The following NGFR variants were observed in gnomAD, a reference collection of about 807,000 sequenced individuals.
The protein encoded by NGFR is tumor necrosis factor receptor superfamily member 16.
NGFR carries 30 observed loss-of-function variants against 43.2 expected under a neutral mutation model. The observed-to-expected ratio is 0.69, with a 90% confidence interval of 0.52 to 0.94. The LOEUF (loss-of-function observed/expected upper bound fraction) is 0.94, where lower values mean the gene tolerates loss of function less well. Among genes scored for constraint, NGFR ranks in the 40% least tolerant of loss-of-function variants. The pLI is 0.00. For missense variants in NGFR, 529 were observed against 602.5 expected (o/e 0.88, Z 1.28); for synonymous variants, 246 against 259.6 (o/e 0.95, Z 0.50).
chr17:49,504,769 C>CTTTT (rs67010321), intron 2 of NGFR, among the ~76,000 whole-genome samples: 39 of 110,920 alleles, frequency 3.5e-4, no homozygotes, highest in East Asian at 1.4e-3. Context: ...TTCTTTCTTT[C>CTTTT]TTTTTTTTTT....
Position 49,512,570 on chromosome 17 carries a change from C to T in NGFR, c.983-138C>T. ...GGTGCCTTCACTTCCTGGTGCCCCA[C>T]CCAGGACCTTGTCTTGGCCCCAGGC... On this transcript the variant is annotated intron_variant, in intron 5 of 5. Transcript: ENST00000172229. The surrounding 1 kb of genome is among the most constrained non-coding windows in gnomAD (Gnocchi z 5.2). 1.7e-6 allele frequency: 2 copies of T among 1,148,398 alleles called. No individual in the cohort carries two copies. Among genetic ancestry groups the T allele is most frequent in the Non-Finnish European group, 2.5e-6 (2 of 809,824 alleles). The allele number at this position is 1,148,398 out of a possible 1,614,324, so 71.1% of individuals were successfully genotyped here.
At position 49,514,403 on chromosome 17, in the gene NGFR, C is replaced by T. The variant is rs1001236412; in HGVS notation, c.*1394C>T. On this transcript the variant is annotated 3_prime_UTR_variant, in exon 6 of 6. Transcript: ENST00000172229. ...TCGACTGTGACCTGTGGGGATTTCT[C>T]CCAGCTCTAGACAACCCTGCAAAGG... The T allele has an allele frequency of 6.6e-6, 1 of 152,428 alleles. No individual in the cohort carries two copies. The highest frequency in any genetic ancestry group is 1.5e-5 in the Non-Finnish European group (1 of 68,174). 9.4% of individuals were successfully genotyped at this position (152,428 alleles called of 1,614,324 possible). A position where few individuals can be genotyped will look rare whatever the true frequency, so the allele number is the denominator to read the frequency against.
intron 1 of NGFR, 64 bp from the exon 2 acceptor site, chr17:49,501,999 A>ATC: frequency 3.0e-6 from 1 of 330,984 alleles, no homozygotes; most frequent in Non-Finnish European, 5.9e-6. Context: ...TCCCCGGAAG[A>ATC]ACCCCCCCCA....
chr17:49,508,553 G>C (rs962038857), intron 3 of NGFR, among the ~76,000 whole-genome samples: 1 of 152,074 alleles, frequency 6.6e-6, no homozygotes, highest in East Asian at 1.9e-4. Flanking sequence ...TACTTTCCCC[G>C]CATTTACTTA....
Position 49,511,995 on chromosome 17 carries a change from G to C in NGFR, c.925G>C (p.Val309Leu). The C allele has an allele frequency of 6.2e-7, 1 of 1,613,866 alleles. No individual in the cohort carries two copies. Among genetic ancestry groups the C allele is most frequent in the East Asian group, 2.2e-5 (1 of 44,890 alleles). Residue 309 changes from valine (V) to leucine (L), a missense_variant, in exon 5 of 6, where the codon GTG becomes CTG. Transcript: ENST00000172229. ...ACTCCACAGCGACAGTGGCATCTCCGTGGACAGCCAGAGCCTGCATGACCA... is the reference window on the plus strand; with the variant it reads ...ACTCCACAGCGACAGTGGCATCTCCCTGGACAGCCAGAGCCTGCATGACCA... Reference protein sequence around the residue: ...EKLHSDSGISVDSQSLHDQQP... With the variant: ...EKLHSDSGISLDSQSLHDQQP...
rs976632464 is a variant in NGFR, at chr17:49,512,148, G to T, written c.982+96G>T. The stretch of plus-strand genomic sequence containing the variant: ...TCCAGGAAGGACTGTCGGGGGGGCG[G>T]CAGGGCTGGCTCAGCGGTGCCCCTG... On this transcript the variant is annotated intron_variant, in intron 5 of 5. Transcript: ENST00000172229. The surrounding 1 kb of genome is among the most constrained non-coding windows in gnomAD (Gnocchi z 5.2). 1.8e-5 allele frequency: 26 copies of T among 1,442,518 alleles called. No homozygotes were observed. Among genetic ancestry groups the T allele is most frequent in the Middle Eastern group, 5.0e-4 (2 of 4,028 alleles). 89.4% of individuals were successfully genotyped at this position (1,442,518 alleles called of 1,614,324 possible).
intron 1 of NGFR, chr17:49,497,102 TCCCC>T (rs2071142873): frequency 6.6e-6 from 1 of 152,112 alleles, no homozygotes; most frequent in African/African-American, 2.4e-5. Context: ...AGCTCGGTAC[TCCCC>T]CACCTTTTCA....
intron 1 of NGFR, among the ~76,000 whole-genome samples, chr17:49,500,257 G>A (rs563205): frequency 0.6 from 90,891 of 151,924 alleles, 28,076 homozygotes; most frequent in Non-Finnish European, 0.68. Context: ...AAATGATGAG[G>A]GCAGCAAAGC....
intron 3 of NGFR, among the ~76,000 whole-genome samples, chr17:49,507,985 A>G (rs1296026823): frequency 6.6e-6 from 1 of 152,076 alleles, no homozygotes; most frequent in African/African-American, 2.4e-5. Context: ...TCCAACCCAC[A>G]CCTGCCTTCC....
intron 2 of NGFR, among the ~76,000 whole-genome samples, chr17:49,504,668 C>T (rs986425611): frequency 6.6e-5 from 10 of 152,096 alleles, no homozygotes; most frequent in African/African-American, 1.4e-4. Flanking sequence ...AAAAGGGACA[C>T]AGGGTTCCTC....
rs201969707 is a variant in NGFR, at chr17:49,502,211, A to T, written c.208+7A>T. 6.3e-7 allele frequency: 1 copy of T among 1,590,422 alleles called. No homozygotes were observed. The highest frequency in any genetic ancestry group is 8.6e-7 in the Non-Finnish European group (1 of 1,164,904). On this transcript the variant is annotated splice_region_variant and intron_variant, in intron 2 of 5. Coordinates refer to ENST00000172229, the MANE Select transcript of NGFR (RefSeq NM_002507.4). ...TGTGAGCCCTGCCTGGACAGTGAGTAGAGGGTGGCGGGCAGGAGGAGGGGA... is the reference window on the plus strand; with the variant it reads ...TGTGAGCCCTGCCTGGACAGTGAGTTGAGGGTGGCGGGCAGGAGGAGGGGA...
rs774572001 is a variant in NGFR, at chr17:49,513,025, C to A, written c.*16C>A. On this transcript the variant is annotated 3_prime_UTR_variant, in exon 6 of 6. Transcript: ENST00000172229. ...CCCGGTGTGAGCCCAACCGGGGAGCCCCCGCCCCGCCCCACATTCCGACAA... is the reference window on the plus strand; with the variant it reads ...CCCGGTGTGAGCCCAACCGGGGAGCACCCGCCCCGCCCCACATTCCGACAA... 1.3e-6 allele frequency: 2 copies of A among 1,492,548 alleles called. No individual in the cohort carries two copies. Among genetic ancestry groups the A allele is most frequent in the East Asian group, 4.8e-5 (2 of 41,478 alleles). The allele number at this position is 1,492,548 out of a possible 1,614,324, so 92.5% of individuals were successfully genotyped here. A position where few individuals can be genotyped will look rare whatever the true frequency, so the allele number is the denominator to read the frequency against.
intron 2 of NGFR, among the ~76,000 whole-genome samples, chr17:49,503,062 C>T (rs1271185034): frequency 6.6e-6 from 1 of 152,100 alleles, no homozygotes; most frequent in Non-Finnish European, 1.5e-5. Context: ...ACTACGGGTG[C>T]ATGCATGCCA....
chr17:49,506,681 G>GCCC, intron 3 of NGFR, 23 bp downstream of exon 3: 2 of 1,174,562 alleles, frequency 1.7e-6, no homozygotes, highest in Non-Finnish European at 2.3e-6. Context: ...CGGGGGGCGG[G>GCCC]GGGAGTGGGG....
intron 3 of NGFR, among the ~76,000 whole-genome samples, chr17:49,508,451 G>A (rs547542914): frequency 6.6e-6 from 1 of 152,322 alleles, no homozygotes; most frequent in South Asian, 2.1e-4. Flanking sequence ...TTCAGGCTCT[G>A]AAGGGTTAAA....
intron 1 of NGFR, among the ~76,000 whole-genome samples, chr17:49,500,616 A>G (rs1370212590): frequency 2.0e-5 from 3 of 152,214 alleles, no homozygotes; most frequent in African/African-American, 7.2e-5. Context: ...AGAAATCAGA[A>G]CAGGCCCTTC....
chr17:49,501,112 C>T (rs747575655), intron 1 of NGFR, among the ~76,000 whole-genome samples: 7 of 152,202 alleles, frequency 4.6e-5, no homozygotes, highest in Admixed American at 2.6e-4. Flanking sequence ...AAGCCTCCAC[C>T]AGCCCCTTCC....
intron 3 of NGFR, among the ~76,000 whole-genome samples, chr17:49,507,758 G>T (rs1251189676): frequency 6.9e-6 from 1 of 145,892 alleles, no homozygotes; most frequent in Non-Finnish European, 1.5e-5. Flanking sequence ...CCCTGAGCAG[G>T]CAATATAGTA....
At chr17:49,503,606 C>A (rs188697410) in intron 2 of NGFR, among the ~76,000 whole-genome samples, 1 of 152,302 alleles carries the variant, frequency 6.6e-6, no homozygotes, top group Admixed American at 6.5e-5. Context: ...TGGTGTTCCC[C>A]AGACACACTG....
Sources: allele counts gnomAD v4.1 joint callset (sites outside exome capture counted in the v4.1 genomes callset), GRCh38; gene constraint gnomAD v4.1.1; non-coding constraint Gnocchi (gnomAD v3.1); transcripts MANE v1.5; gene names NCBI Gene and HGNC (gene_info 2026-07-23, HGNC 2026-07-21).